The following TANK variants were observed in gnomAD, a reference collection of about 807,000 sequenced individuals.
TANK encodes TRAF family member-associated NF-kappa-B activator.
Under a neutral mutation model 43.6 loss-of-function variants are expected in TANK, and 15 were observed. The observed-to-expected ratio is 0.34, with a 90% CI of 0.23 to 0.53. The LOEUF (loss-of-function observed/expected upper bound fraction) is 0.53, where lower values mean the gene tolerates loss of function less well. Ranked by LOEUF, TANK falls within the 20% of genes least tolerant of loss-of-function variation. The pLI is 0.94. For missense variants in TANK, 417 were observed against 498.6 expected (o/e 0.84, Z 1.56); for synonymous variants, 162 against 178.2 (o/e 0.91, Z 0.73).
chr2:161,167,051 C>T (rs1224978948), intron 1 of TANK, among the ~76,000 whole-genome samples: 1 of 152,222 alleles, frequency 6.6e-6, no homozygotes, highest in East Asian at 1.9e-4. Context: ...CAAGTGTGAA[C>T]TCTGGCAGAA....
chr2:161,170,610 C>T lies in TANK; in HGVS notation c.-49-9004C>T, dbSNP rs538945529. Among the ~76,000 whole-genome samples, 42 of 152,308 alleles carry T rather than the reference C, an allele frequency of 2.8e-4. 1 individual carries two copies. The highest frequency in any genetic ancestry group is 1.1e-3 in the Admixed American group (17 of 15,296). On this transcript the variant is annotated intron_variant, in intron 1 of 7. Transcript: ENST00000392749. The stretch of plus-strand genomic sequence containing the variant: ...TGGCAGTAATTTTAAATCCATCTTA[C>T]ATCTCCCCACTGTACAAAATTAGAT...
At chr2:161,199,889 CATA>C (rs1230161641) in intron 2 of TANK, among the ~76,000 whole-genome samples, 1 of 152,122 alleles carries the variant, frequency 6.6e-6, no homozygotes, top group Non-Finnish European at 1.5e-5. Flanking sequence ...ATACAAATAA[CATA>C]ATAATAAAAT....
chr2:161,171,186 T>C (rs1358255658), intron 1 of TANK, among the ~76,000 whole-genome samples: 6 of 152,142 alleles, frequency 3.9e-5, no homozygotes, highest in Non-Finnish European at 8.8e-5. Context: ...CAGATGCAAG[T>C]TTGGAATGTT....
At chr2:161,182,904 C>G (rs1179472545) in intron 2 of TANK, among the ~76,000 whole-genome samples, 1 of 152,124 alleles carries the variant, frequency 6.6e-6, no homozygotes, top group Non-Finnish European at 1.5e-5. Flanking sequence ...GTCCTGTCTT[C>G]AGCAAGTGAG....
intron 4 of TANK, chr2:161,216,283 A>C (rs1687112827): frequency 2.5e-6 from 1 of 396,730 alleles, no homozygotes; most frequent in Admixed American, 3.1e-5. Flanking sequence ...TCTGGACCGT[A>C]TGTCTGCTAG....
chr2:161,234,424 A>G (rs945181493), intron 7 of TANK, among the ~76,000 whole-genome samples: 20 of 152,240 alleles, frequency 1.3e-4, no homozygotes, highest in African/African-American at 4.8e-4. Context: ...ATTTTAAAAA[A>G]TAATTTGGTT....
intron 1 of TANK, among the ~76,000 whole-genome samples, chr2:161,145,133 C>CTTTTTTT (rs144526006): frequency 3.0e-5 from 1 of 32,830 alleles, no homozygotes; most frequent in African/African-American, 1.3e-4. Flanking sequence ...GCAACCCCTG[C>CTTTTTTT]TTTTTTTTTT....
At chr2:161,153,522 T>C (rs1000812228) in intron 1 of TANK, among the ~76,000 whole-genome samples, 9 of 151,604 alleles carry the variant, frequency 5.9e-5, no homozygotes, top group African/African-American at 2.2e-4. Flanking sequence ...ACCCTGTCTC[T>C]ACAAAAAATA....
intron 1 of TANK, chr2:161,139,645 A>T (rs1683683577): frequency 1.0e-6 from 1 of 965,486 alleles, no homozygotes; most frequent in Non-Finnish European, 1.2e-6. Context: ...AACCAACCAA[A>T]CCTACACGTT....
intron 2 of TANK, among the ~76,000 whole-genome samples, chr2:161,201,758 A>G (rs1307789228): frequency 2.0e-5 from 3 of 152,096 alleles, no homozygotes; most frequent in African/African-American, 7.2e-5. Flanking sequence ...TCAGCTTACC[A>G]CACTGTTTCT....
intron 2 of TANK, among the ~76,000 whole-genome samples, chr2:161,183,315 G>A (rs909207307): frequency 6.6e-6 from 1 of 152,070 alleles, no homozygotes; most frequent in African/African-American, 2.4e-5. Context: ...GTATGAGAGA[G>A]GGCTTTCTAA....
At chr2:161,145,267 A>C (rs1374345750) in intron 1 of TANK, among the ~76,000 whole-genome samples, 1 of 145,500 alleles carries the variant, frequency 6.9e-6, no homozygotes, top group Non-Finnish European at 1.5e-5. Context: ...ATGAGTCTTG[A>C]CTCTTTATCC....
At chr2:161,168,065 A>G (rs866034904) in intron 1 of TANK, among the ~76,000 whole-genome samples, 1 of 152,174 alleles carries the variant, frequency 6.6e-6, no homozygotes, top group Admixed American at 6.5e-5. Context: ...TTTGGTATCT[A>G]ACGTATGGCA....
chr2:161,157,816 T>G (rs928269882), upstream of TANK, among the ~76,000 whole-genome samples: 2 of 152,098 alleles, frequency 1.3e-5, no homozygotes, highest in Admixed American at 6.5e-5. Flanking sequence ...CCCATATAGC[T>G]GGGATTACAG....
intron 1 of TANK, among the ~76,000 whole-genome samples, chr2:161,144,926 G>A (rs1444171834): frequency 6.6e-6 from 1 of 152,020 alleles, no homozygotes; most frequent in Non-Finnish European, 1.5e-5. Context: ...TATTGTGTGG[G>A]AGTCTAAGTC....
chr2:161,140,017 GGTTA>G, intron 1 of TANK: 9 of 792,184 alleles, frequency 1.1e-5, no homozygotes, highest in Non-Finnish European at 1.4e-5. Flanking sequence ...AAAACTAGAA[GGTTA>G]GTATTTTTGT....
chr2:161,200,792 C>T (rs1280022583), intron 2 of TANK, among the ~76,000 whole-genome samples: 3 of 146,736 alleles, frequency 2.0e-5, no homozygotes, highest in South Asian at 2.1e-4. Context: ...TCTGATATTT[C>T]TTTTTTTTTT....
At chr2:161,207,947 A>G (rs984625555) in intron 4 of TANK, 4 of 939,468 alleles carry the variant, frequency 4.3e-6, no homozygotes, top group Admixed American at 6.2e-5. Context: ...ACCTATTTCT[A>G]GAAATCACAT....
At chr2:161,138,284 T>G in intron 1 of TANK, among the ~76,000 whole-genome samples, 1 of 152,182 alleles carries the variant, frequency 6.6e-6, no homozygotes, top group Non-Finnish European at 1.5e-5. Flanking sequence ...TATTGTTACA[T>G]TATTATAATA....
Sources: allele counts gnomAD v4.1 joint callset (sites outside exome capture counted in the v4.1 genomes callset), GRCh38; gene constraint gnomAD v4.1.1; transcripts MANE v1.5; gene names NCBI Gene and HGNC (gene_info 2026-07-23, HGNC 2026-07-21).